Variants in PLXNB1 observed in about 807,000 individuals in gnomAD.
PLXNB1 encodes the protein plexin-B1.
PLXNB1 carries 106 observed loss-of-function variants against 209.4 expected under a neutral mutation model. The observed-to-expected ratio is 0.51, with a 90% CI of 0.43 to 0.59. The LOEUF is 0.59. Among genes scored for constraint, PLXNB1 ranks in the 20% least tolerant of loss-of-function variants. The pLI, the probability that PLXNB1 is intolerant of heterozygous loss-of-function variation, is 0.00. For missense variants in PLXNB1, 2,357 were observed against 2,853.2 expected, an observed-to-expected ratio of 0.83 and a Z score of 3.96; for synonymous variants, 1,167 against 1,183.2, an observed-to-expected ratio of 0.99 and a Z score of 0.28.
Position 48,416,987 on chromosome 3 carries a change from C to G in PLXNB1, c.3375-536G>C, listed in dbSNP as rs1483428785. On this transcript the variant is annotated intron_variant, in intron 16 of 37. Transcript: ENST00000296440. This position sits in a 1 kb window ranked among gnomAD's most constrained non-coding sequence, Gnocchi z 4.1. ...CAAATTAAACTTCCAGAGTGTTAAG[C>G]CTGCAGTGGCTCAACTCAGTGACAT... 6.6e-6 allele frequency among the ~76,000 whole-genome samples: 1 copy of G among 152,214 alleles called. No individual in the cohort carries two copies. The highest frequency in any genetic ancestry group is 2.4e-5 in the African/African-American group (1 of 41,434).
rs1294475890 is a variant in PLXNB1 at position 48,422,319 on chromosome 3, C to T, written c.1419+12G>A. 2.5e-6 allele frequency: 4 copies of T among 1,610,754 alleles called. No individual in the cohort carries two copies. Among genetic ancestry groups the T allele is most frequent in the Non-Finnish European group, 3.4e-6 (4 of 1,178,370 alleles). On this transcript the variant is annotated intron_variant, in intron 5 of 37. Transcript: ENST00000296440. ...CCCAGCAGCCATGCCCTGGCTTGTG[C>T]CTGGCACTCACTGTGCTCTGGGTCA...
At chr3:48,425,692 C>G (rs2038849297) in intron 1 of PLXNB1, among the ~76,000 whole-genome samples, 1 of 152,150 alleles carries the variant, frequency 6.6e-6, no homozygotes, top group African/African-American at 2.4e-5. Context: ...CAGGTACACA[C>G]CCTCTACACA....
Position 48,423,874 on chromosome 3 carries a change from G to A in PLXNB1, c.738C>T (p.Ala246=), listed in dbSNP as rs1374411331. The A allele has an allele frequency of 1.9e-6, 3 of 1,614,068 alleles. No homozygotes were observed. Among genetic ancestry groups the A allele is most frequent in the East Asian group, 2.2e-5 (1 of 44,880 alleles). The change falls in exon 3 of 38, where the codon GCC becomes GCT. Residue 246 remains alanine, a synonymous_variant. Transcript: ENST00000296440. The part of the protein sequence containing the change: ...DLQAQSRAFR[A]YVSRVCLRDQ... ...CCCGGAGACACACTCGAGATACATA[G>A]GCACGAAAAGCTCTAGACTGAGCCT...
Position 48,418,591 on chromosome 3 carries a change from G to C in PLXNB1, c.2956-49C>G. On this transcript the variant is annotated intron_variant, in intron 13 of 37. Coordinates refer to ENST00000296440, the MANE Select transcript of PLXNB1 (RefSeq NM_001130082.3). The surrounding 1 kb of genome is among the most constrained non-coding windows in gnomAD (Gnocchi z 6.6). ...GAGTCAAGCACTGGGGGAAGTGTCA[G>C]GCCTGGGGAGGGGTTAGTCAGAGAA... is the stretch of plus-strand genomic sequence containing the variant. 3 of 1,470,610 alleles carry C rather than the reference G, an allele frequency of 2.0e-6. No homozygotes were observed. The highest frequency in any genetic ancestry group is 2.5e-5 in the East Asian group (1 of 40,680). The allele number at this position is 1,470,610 out of a possible 1,614,324, so 91.1% of individuals were successfully genotyped here.
intron 37 of PLXNB1, 40 bp from the exon 38 acceptor site, chr3:48,404,630 G>C: frequency 7.0e-7 from 1 of 1,420,754 alleles, no homozygotes; most frequent in Non-Finnish European, 9.8e-7. Context: ...GACTTCTTTG[G>C]CCAACGTGTT....
Position 48,417,812 on chromosome 3 carries a change from AG to A in PLXNB1, c.3374+98del, listed in dbSNP as rs3217705. On this transcript the variant is annotated intron_variant, in intron 16 of 37. Transcript: ENST00000296440. This position sits in a 1 kb window ranked among gnomAD's most constrained non-coding sequence, Gnocchi z 4.4. ...GGCCAGGATCAAGGAACAGGGAGAG[AG>A]GGGGGCAGATGAGCGGTGGGTGGGA... 6.9e-3 allele frequency: 8,866 copies of A among 1,276,522 alleles called. 163 individuals carry two copies. The East Asian group carries it at 0.07, about 10-fold the overall frequency. The allele number at this position is 1,276,522 out of a possible 1,614,324, so 79.1% of individuals were successfully genotyped here.
At chr3:48,425,785 C>G (rs144540119) in intron 1 of PLXNB1, among the ~76,000 whole-genome samples, 1 of 151,704 alleles carries the variant, frequency 6.6e-6, no homozygotes, top group Non-Finnish European at 1.5e-5. Flanking sequence ...ACACCACCCA[C>G]CCTGTATGTA....
chr3:48,412,261 T>C lies in PLXNB1; in HGVS notation c.5077A>G (p.Ile1693Val). Residue 1693 changes from isoleucine to valine, a missense_variant, in exon 27 of 38, where the codon ATC becomes GTC. Around this residue, in one of 7 missense-constraint regions of PLXNB1, gnomAD observed 65 missense variants for 127.6 expected, o/e 0.51. Transcript: ENST00000296440. The part of the protein sequence containing the change: ...VEKLLTNWMS[I>V]CLYTFVRDSV... ...ACCCTCACGAAGGTATACAGACAGA[T>C]GGACATCCAGTTGGTGAGCAGCTTC... The C allele has an allele frequency of 6.2e-7, 1 of 1,614,086 alleles. No individual in the cohort carries two copies. The highest frequency in any genetic ancestry group is 8.5e-7 in the Non-Finnish European group (1 of 1,180,016).
At position 48,418,474 on chromosome 3, in the gene PLXNB1, A is replaced by G; in HGVS notation, c.3024T>C (p.Arg1008=). 6.2e-7 allele frequency: 1 copy of G among 1,612,992 alleles called. No homozygotes were observed. The highest frequency in any genetic ancestry group is 2.2e-5 in the East Asian group (1 of 44,812). ...GLFLRRAGRL[R]VDSAEGLHVV... ...CATGCAGCCCCTCAGCACTGTCCAC[A>G]CGCAGACGGCCGGCCCGACGCAGAA... Residue 1008 remains arginine (R), a synonymous_variant, in exon 14 of 38, where the codon CGT becomes CGC. Coordinates refer to ENST00000296440, the MANE Select transcript of PLXNB1 (RefSeq NM_001130082.3). This position sits in a 1 kb window ranked among gnomAD's most constrained non-coding sequence, Gnocchi z 6.6.
At position 48,423,585 on chromosome 3, in the gene PLXNB1, G is replaced by A. The variant is rs760134829; in HGVS notation, c.1027C>T (p.Arg343Trp). 18 of 1,614,056 alleles carry A rather than the reference G, an allele frequency of 1.1e-5. No homozygotes were observed. The highest frequency in any genetic ancestry group is 7.7e-5 in the South Asian group (7 of 91,088). Residue 343 changes from arginine to tryptophan, a missense_variant, in exon 3 of 38, where the codon CGG (arginine) becomes TGG (tryptophan). Arg to Trp is a moderately radical substitution (Grantham distance 101). Transcript: ENST00000296440. ...ANRTRDACYT[R>W]EGRAEDGTEV... Reference sequence around the variant, plus strand: ...GTCCCATCCTCAGCACGACCCTCCCGGGTGTAGCAGGCATCTCGCGTGCGA... The same window carrying A: ...GTCCCATCCTCAGCACGACCCTCCCAGGTGTAGCAGGCATCTCGCGTGCGA...
Position 48,405,635 on chromosome 3 carries a change from C to T in PLXNB1, c.6303+89G>A, listed in dbSNP as rs1187156084. 7.8e-6 allele frequency: 8 copies of T among 1,024,764 alleles called. No individual in the cohort carries two copies. Among genetic ancestry groups the T allele is most frequent in the Non-Finnish European group, 1.0e-5 (7 of 674,112 alleles). 63.5% of individuals were successfully genotyped at this position (1,024,764 alleles called of 1,614,324 possible). ...ACTCTGTCCCTGGGGAAGACCAAAG[C>T]CCCCAACGTGAGTCACAGGGTCAGA... On this transcript the variant is annotated intron_variant, in intron 37 of 37. Transcript: ENST00000296440. This position sits in a 1 kb window ranked among gnomAD's most constrained non-coding sequence, Gnocchi z 5.0.
rs779023218 is a variant in PLXNB1 at position 48,419,948 on chromosome 3, G to A, written c.2338C>T (p.Pro780Ser). 2.8e-5 allele frequency: 44 copies of A among 1,578,494 alleles called. No homozygotes were observed. The highest frequency in any genetic ancestry group is 3.4e-4 in the Middle Eastern group (2 of 5,888). ...TAVPAPTDFR[P>S]SATPEDLLAS... ...AAGAGGTCCTCAGGTGTGGCTGAGG[G>A]TCTGAAGTCAGTGGGGGCAGGGACA... Residue 780 changes from proline (P) to serine (S), a missense_variant, in exon 11 of 38, where the codon CCC (proline) becomes TCC (serine). Physicochemically the swap from Pro to Ser is moderately conservative, Grantham distance 74. Coordinates refer to ENST00000296440, the MANE Select transcript of PLXNB1 (RefSeq NM_001130082.3). The surrounding 1 kb of genome is among the most constrained non-coding windows in gnomAD (Gnocchi z 5.7).
chr3:48,405,745 G>C lies in PLXNB1; in HGVS notation c.6282C>G (p.Tyr2094Ter). The C allele has an allele frequency of 6.2e-7, 1 of 1,613,656 alleles. No individual in the cohort carries two copies. Residue 2094 changes from tyrosine to a stop codon, truncating the protein, a stop_gained, in exon 37 of 38, where the codon TAC (tyrosine) becomes TAG (stop). Transcript: ENST00000296440. LOFTEE classifies it high-confidence loss of function. The surrounding 1 kb of genome is among the most constrained non-coding windows in gnomAD (Gnocchi z 5.0). ...CCACCTGGTCATAGTACTTGTTGATGTACTTGTAGAGTTCATGCAGGGCCA... is the reference window on the plus strand; with the variant it reads ...CCACCTGGTCATAGTACTTGTTGATCTACTTGTAGAGTTCATGCAGGGCCA... ...ARVALHELYK[Y>*]INKYYDQIIT...
intron 10 of PLXNB1, 60 bp downstream of exon 10, chr3:48,420,605 A>G: frequency 7.3e-7 from 1 of 1,375,190 alleles, no homozygotes; most frequent in Non-Finnish European, 1.0e-6. Context: ...GCCATGAGAA[A>G]AACTCTCACA....
rs542728173 is a variant in PLXNB1 at position 48,422,597 on chromosome 3, C to T, written c.1291-138G>A. ...TCACAGGTCATACCAACTGGCCTAG[C>T]GGGGATGGAGGAAAGTCACAGGTAA... On this transcript the variant is annotated intron_variant, in intron 4 of 37. Transcript: ENST00000296440. The T allele has an allele frequency of 3.3e-5, 42 of 1,277,532 alleles. No individual in the cohort carries two copies. The East Asian group carries it at 4.3e-4, about 13-fold the overall frequency. The allele number at this position is 1,277,532 out of a possible 1,614,324, so 79.1% of individuals were successfully genotyped here. A position where few individuals can be genotyped will look rare whatever the true frequency, so the allele number is the denominator to read the frequency against.
Position 48,404,317 on chromosome 3 carries a change from G to C in PLXNB1, c.*169C>G, listed in dbSNP as rs1294697398. 1 of 587,056 alleles carries C rather than the reference G, an allele frequency of 1.7e-6. No individual in the cohort carries two copies. Among genetic ancestry groups the C allele is most frequent in the Non-Finnish European group, 3.0e-6 (1 of 331,058 alleles). The allele number at this position is 587,056 out of a possible 1,614,324, so 36.4% of individuals were successfully genotyped here. A position where few individuals can be genotyped will look rare whatever the true frequency, so the allele number is the denominator to read the frequency against. ...ATGAGCCTTGAGGCCCCGGGTCTAG[G>C]AGGTGGATCCAGCAGGGCCGAGGCC... On this transcript the variant is annotated 3_prime_UTR_variant, in exon 38 of 38. Transcript: ENST00000296440.
chr3:48,415,831 C>G lies in PLXNB1; in HGVS notation c.3618-72G>C, dbSNP rs2038054355. ...CTTGGACCACTCAGGCCCCAACTGG[C>G]TTCCCTCAAGCGCTGACTGCAGTCT... On this transcript the variant is annotated intron_variant, in intron 18 of 37. Coordinates refer to ENST00000296440, the MANE Select transcript of PLXNB1 (RefSeq NM_001130082.3). This position sits in a 1 kb window ranked among gnomAD's most constrained non-coding sequence, Gnocchi z 5.0. 2 of 1,450,146 alleles carry G rather than the reference C, an allele frequency of 1.4e-6. No individual in the cohort carries two copies. The highest frequency in any genetic ancestry group is 2.8e-5 in the African/African-American group (2 of 71,234). 89.8% of individuals were successfully genotyped at this position (1,450,146 alleles called of 1,614,324 possible).
At position 48,413,952 on chromosome 3, in the gene PLXNB1, C is replaced by T. The variant is rs760466125; in HGVS notation, c.4329G>A (p.Gln1443=). 1 of 1,613,172 alleles carries T rather than the reference C, an allele frequency of 6.2e-7. No individual in the cohort carries two copies. The part of the protein sequence containing the change: ...HHLYCEPPVE[Q]PLPRHHALRE... ...GGAGGGCATGGTGCCGTGGCAGGGG[C>T]TGCTCCACGGGGGGCTCGCAGTACA... Residue 1443 remains glutamine (Q), a synonymous_variant, in exon 22 of 38, where the codon CAG becomes CAA. Transcript: ENST00000296440. The surrounding 1 kb of genome is among the most constrained non-coding windows in gnomAD (Gnocchi z 5.4).
chr3:48,414,737 G>T lies in PLXNB1; in HGVS notation c.4209+62C>A, dbSNP rs566604758. The T allele has an allele frequency of 5.7e-6, 9 of 1,576,816 alleles. No individual in the cohort carries two copies. The Admixed American group carries it at 1.4e-4, about 24-fold the overall frequency. ...TGTCTCGGCCTCTCCGCCACACACA[G>T]CAGTGCTGTCCAGCCAAGGGAAGGG... On this transcript the variant is annotated intron_variant, in intron 21 of 37. Coordinates refer to ENST00000296440, the MANE Select transcript of PLXNB1 (RefSeq NM_001130082.3).
Sources: gnomAD v4.1 joint callset for allele counts (sites outside exome capture counted in the v4.1 genomes callset) on GRCh38, gnomAD v4.1.1 for gene constraint, gnomAD v4.1.1 regional missense constraint, Gnocchi (gnomAD v3.1) non-coding constraint, MANE v1.5 for transcripts, NCBI Gene and HGNC (gene_info 2026-07-23, HGNC 2026-07-21) for gene names.